The following CASP1 variants were observed in gnomAD, a reference collection of about 807,000 sequenced individuals.
CASP1 encodes the protein caspase-1.
In CASP1, 31 loss-of-function variants were observed where a neutral mutation model predicts 41.2. The observed-to-expected ratio is 0.75, with a 90% CI of 0.57 to 1.02. The LOEUF (loss-of-function observed/expected upper bound fraction) is 1.02. Among genes scored for constraint, CASP1 ranks in the 50% least tolerant of loss-of-function variants. The pLI is 0.00. For synonymous variants in CASP1, 163 were observed against 166.5 expected, an observed-to-expected ratio of 0.98 and a Z score of 0.16; for missense variants, 490 against 495.7, an observed-to-expected ratio of 0.99 and a Z score of 0.11.
Position 105,030,347 on chromosome 11 carries a change from T to C in CASP1, c.610A>G (p.Lys204Glu). 6.2e-7 allele frequency: 1 copy of C among 1,612,262 alleles called. No individual in the cohort carries two copies. The highest frequency in any genetic ancestry group is 8.5e-7 in the Non-Finnish European group (1 of 1,179,228). ...GAACTTACCGAAGCAGTGAGATTTTTTTTCACATCTACGCTGTACCCCAGA... is the reference window on the plus strand; with the variant it reads ...GAACTTACCGAAGCAGTGAGATTTTCTTTCACATCTACGCTGTACCCCAGA... ...QNLGYSVDVK[K>E]NLTASDMTTE... Residue 204 changes from lysine (K) to glutamate (E), a missense_variant, in exon 5 of 9, where the codon AAA becomes GAA. Lys to Glu is a moderately conservative substitution (Grantham distance 56). Coordinates refer to ENST00000533400, the MANE Select transcript of CASP1 (RefSeq NM_001257118.3).
upstream of CASP1, among the ~76,000 whole-genome samples, chr11:105,035,990 A>T (rs186602920): frequency 6.6e-6 from 1 of 152,256 alleles, no homozygotes; most frequent in East Asian, 1.9e-4. Flanking sequence ...TGTCGAACTT[A>T]GCATTTTAAA....
At position 105,033,107 on chromosome 11, in the gene CASP1, G is replaced by A; in HGVS notation, c.294C>T (p.Tyr98=). The A allele has an allele frequency of 6.3e-7, 1 of 1,581,992 alleles. No individual in the cohort carries two copies. The highest frequency in any genetic ancestry group is 8.7e-7 in the Non-Finnish European group (1 of 1,153,076). ...GLSADQTSGN[Y]LNMQDSQGVL... is the part of the protein sequence containing the mutation. ...CTCCTTGAGAGTCTTGCATATTAAG[G>A]TAATTTCCAGATGTTTGATCTATGA... The change falls in exon 3 of 9, where the codon TAC becomes TAT. Residue 98 remains tyrosine (Y), a synonymous_variant. Transcript: ENST00000533400.
intron 1 of CASP1, chr11:105,034,825 T>G: frequency 1.7e-6 from 1 of 601,074 alleles, no homozygotes; most frequent in Middle Eastern, 4.4e-4. Flanking sequence ...CCTGTGCCAA[T>G]TCTGTACCCT....
At chr11:105,031,979 C>A (rs772257166) in intron 3 of CASP1, among the ~76,000 whole-genome samples, 3 of 152,064 alleles carry the variant, frequency 2.0e-5, no homozygotes, top group Non-Finnish European at 4.4e-5. Context: ...AATCCTTGAG[C>A]CTTTTATTTC....
intron 7 of CASP1, 52 bp from the exon 8 acceptor site, chr11:105,027,003 G>T (rs1178312872): frequency 2.0e-6 from 2 of 1,003,154 alleles, no homozygotes; most frequent in Non-Finnish European, 3.2e-6. Flanking sequence ...CCTGAAGAAA[G>T]AGAAGAAACC....
Position 105,033,080 on chromosome 11 carries a change from T to C in CASP1, c.321A>G (p.Val107=), listed in dbSNP as rs1863794723. The C allele has an allele frequency of 6.3e-7, 1 of 1,586,414 alleles. No homozygotes were observed. Among genetic ancestry groups the C allele is most frequent in the South Asian group, 1.1e-5 (1 of 90,286 alleles). Residue 107 remains valine, a synonymous_variant, in exon 3 of 9, where the codon GTA becomes GTG. Transcript: ENST00000533400. ...CAGCATTACCTGGAAAGGAAGAAAG[T>C]ACTCCTTGAGAGTCTTGCATATTAA... ...NYLNMQDSQG[V]LSSFPAPQAV...
intron 2 of CASP1, 26 bp downstream of exon 2, chr11:105,034,182 C>A: frequency 6.2e-7 from 1 of 1,613,766 alleles, no homozygotes; most frequent in Non-Finnish European, 8.5e-7. Context: ...CCTAGGTGAA[C>A]TTGAGTGTAA....
At position 105,026,869 on chromosome 11, in the gene CASP1, G is replaced by T; in HGVS notation, c.1089C>A (p.Ser363=). 1 of 1,606,770 alleles carries T rather than the reference G, an allele frequency of 6.2e-7. No individual in the cohort carries two copies. Among genetic ancestry groups the T allele is most frequent in the South Asian group, 1.1e-5 (1 of 90,906 alleles). Residue 363 remains serine, a synonymous_variant, in exon 8 of 9, where the codon TCC becomes TCA. Coordinates refer to ENST00000533400, the MANE Select transcript of CASP1 (RefSeq NM_001257118.3). ...TGCGGAAAATTTCCTCCACATCACA[G>T]GAACAGGCATATTCTTGCATATGTT... The part of the protein sequence containing the change: ...LIEHMQEYAC[S]CDVEEIFRKV...
At position 105,026,363 on chromosome 11, in the gene CASP1, G is replaced by A. The variant is rs758722184; in HGVS notation, c.1117-7C>T. On this transcript the variant is annotated splice_region_variant and splice_polypyrimidine_tract_variant and intron_variant, in intron 8 of 8. Coordinates refer to ENST00000533400, the MANE Select transcript of CASP1 (RefSeq NM_001257118.3). ...GCTCAAATGAAAATCGAACCTAAAA[G>A]AGTAAGGAAAGTCTGTAGCCCTTTT... 2 of 1,587,682 alleles carry A rather than the reference G, an allele frequency of 1.3e-6. No homozygotes were observed. The highest frequency in any genetic ancestry group is 1.1e-5 in the South Asian group (1 of 90,368).
At chr11:105,035,671 A>G (rs1863986787), upstream of CASP1, among the ~76,000 whole-genome samples, 1 of 117,960 alleles carries the variant, frequency 8.5e-6, no homozygotes, top group South Asian at 2.9e-4. Flanking sequence ...GCCGGAATGC[A>G]GTTATTTGAC....
upstream of CASP1, chr11:105,035,158 G>T (rs373997855): frequency 5.0e-6 from 8 of 1,613,770 alleles, no homozygotes; most frequent in Non-Finnish European, 6.8e-6. Context: ...CTGAAAGTAT[G>T]CTTCGCCTTC....
intron 3 of CASP1, among the ~76,000 whole-genome samples, 191 bp downstream of exon 3, chr11:105,032,873 T>C (rs1263199504): frequency 6.6e-6 from 1 of 152,172 alleles, no homozygotes; most frequent in Non-Finnish European, 1.5e-5. Context: ...AGATTCAGAA[T>C]TTTTAATATA....
At position 105,032,502 on chromosome 11, in the gene CASP1, A is replaced by G. The variant is rs568186746; in HGVS notation, c.337+562T>C. Among the ~76,000 whole-genome samples, 93 of 152,292 alleles carry G rather than the reference A, an allele frequency of 6.1e-4. No homozygotes were observed. The Middle Eastern group carries it at 0.01, about 17-fold the overall frequency. ...CCTAGCCTCTACATTGCTTTCAGATATAAGTTTAAGAGTGCACTATGGGAA... is the reference window on the plus strand; with the variant it reads ...CCTAGCCTCTACATTGCTTTCAGATGTAAGTTTAAGAGTGCACTATGGGAA... On this transcript the variant is annotated intron_variant, in intron 3 of 8. Coordinates refer to ENST00000533400, the MANE Select transcript of CASP1 (RefSeq NM_001257118.3).
intron 6 of CASP1, 42 bp from the exon 7 acceptor site, chr11:105,029,309 G>T: frequency 6.4e-7 from 1 of 1,569,052 alleles, no homozygotes; most frequent in Non-Finnish European, 8.7e-7. Context: ...ACCAATGGCT[G>T]AGAAGATGTT....
upstream of CASP1, among the ~76,000 whole-genome samples, chr11:105,036,298 T>C (rs1020216091): frequency 6.6e-6 from 1 of 152,174 alleles, no homozygotes; most frequent in African/African-American, 2.4e-5. Context: ...TTAGCAAACA[T>C]ATACGGACGA....
chr11:105,031,498 A>G (rs150956450), intron 3 of CASP1, among the ~76,000 whole-genome samples: 30 of 152,322 alleles, frequency 2.0e-4, no homozygotes, highest in African/African-American at 6.3e-4. Context: ...ATCTTCTTTC[A>G]TATTTCAGGA....
intron 3 of CASP1, among the ~76,000 whole-genome samples, chr11:105,031,543 A>T (rs1035497038): frequency 1.3e-5 from 2 of 152,184 alleles, no homozygotes; most frequent in Non-Finnish European, 2.9e-5. Context: ...ATACTAACAT[A>T]GAAAGGGAAA....
chr11:105,034,014 A>G (rs1863861516), intron 2 of CASP1, 194 bp downstream of exon 2: 7 of 921,004 alleles, frequency 7.6e-6, no homozygotes, highest in Non-Finnish European at 1.1e-5. Flanking sequence ...TAATCAGAAG[A>G]GTGCCACTGA....
At chr11:105,032,595 C>A (rs1221567402) in intron 3 of CASP1, among the ~76,000 whole-genome samples, 1 of 152,086 alleles carries the variant, frequency 6.6e-6, no homozygotes, top group Non-Finnish European at 1.5e-5. Context: ...GAAAAGCCTG[C>A]ATAAAACTTG....
Sources: allele counts gnomAD v4.1 joint callset (sites outside exome capture counted in the v4.1 genomes callset), GRCh38; gene constraint gnomAD v4.1.1; transcripts MANE v1.5; gene names NCBI Gene and HGNC (gene_info 2026-07-23, HGNC 2026-07-21).